FGF14: variants seen among roughly 807,000 people sequenced by gnomAD.
FGF14 encodes the protein fibroblast growth factor homologous factor 4.
FGF14 carries 5 observed loss-of-function variants against 25.5 expected under a neutral mutation model. That is an observed-to-expected ratio of 0.20 (90% CI 0.10 to 0.41). The LOEUF is 0.41. FGF14 is among the 10% of genes least tolerant of loss of function. FGF14 has a pLI of 1.00. For missense variants in FGF14, 222 were observed against 320.1 expected, an observed-to-expected ratio of 0.69 and a Z score of 2.34; for synonymous variants, 138 against 118.3, an observed-to-expected ratio of 1.17 and a Z score of -1.08.
At chr13:101,889,216 C>T (rs939125560) in intron 1 of FGF14, among the ~76,000 whole-genome samples, 5 of 151,820 alleles carry the variant, frequency 3.3e-5, no homozygotes, top group African/African-American at 9.7e-5. Context: ...CCCCAGCAGA[C>T]TAATAGAGGA....
intron 1 of FGF14, among the ~76,000 whole-genome samples, chr13:102,160,686 A>G (rs1467988098): frequency 6.6e-6 from 1 of 152,140 alleles, no homozygotes; most frequent in Non-Finnish European, 1.5e-5. Flanking sequence ...TTCACAAAAA[A>G]TGCTAGAATA....
chr13:102,374,646 AT>A (rs2057986657), intron 1 of FGF14, among the ~76,000 whole-genome samples: 1 of 1,164 alleles, frequency 8.6e-4, no homozygotes, highest in African/African-American at 3.5e-3. Context: ...TACATATTTT[AT>A]ATATATATAT....
chr13:101,956,263 T>C (rs996577552), intron 1 of FGF14, among the ~76,000 whole-genome samples: 1 of 152,202 alleles, frequency 6.6e-6, no homozygotes, highest in Middle Eastern at 3.2e-3. Context: ...TTTAGATAGA[T>C]AGATACAGAT....
chr13:101,857,718 T>C lies in FGF14; in HGVS notation c.408+11007A>G, dbSNP rs992762564. Among the ~76,000 whole-genome samples, 9 of 152,190 alleles carry C rather than the reference T, an allele frequency of 5.9e-5. 1 individual carries two copies. The highest frequency in any genetic ancestry group is 4.6e-4 in the Admixed American group (7 of 15,250). On this transcript the variant is annotated intron_variant, in intron 3 of 4. Coordinates refer to ENST00000376143, the MANE Select transcript of FGF14 (RefSeq NM_004115.4). ...ACTGCATCTGCGTCTATCTTTGTCA[T>C]CACTATTTTTCTCTAAGCTCTAGAA...
intron 1 of FGF14, among the ~76,000 whole-genome samples, chr13:102,312,716 ATTGTT>A (rs1276274638): frequency 7.2e-5 from 11 of 152,150 alleles, no homozygotes; most frequent in African/African-American, 9.7e-5. Flanking sequence ...AAGGAAGTGT[ATTGTT>A]TTGTTTTGTT....
At chr13:102,071,740 G>T (rs1166015288) in intron 1 of FGF14, among the ~76,000 whole-genome samples, 1 of 152,064 alleles carries the variant, frequency 6.6e-6, no homozygotes, top group South Asian at 2.1e-4. Context: ...CTCCATAGGA[G>T]ATACCTACTG....
chr13:102,219,759 G>T (rs1372103878), intron 1 of FGF14, among the ~76,000 whole-genome samples: 1 of 152,074 alleles, frequency 6.6e-6, no homozygotes, highest in Admixed American at 6.6e-5. Context: ...CAATTGAAAG[G>T]CAAAAGATTT....
intron 1 of FGF14, among the ~76,000 whole-genome samples, chr13:102,021,003 T>TACAAGGTATTTGATTAGTGGTTTTGG (rs2040619218): frequency 6.6e-6 from 1 of 151,254 alleles, no homozygotes; most frequent in South Asian, 2.1e-4. Context: ...GTGGTCAGAG[T>TACAAGGTATTTGATTAGTGGTTTTGG]ACAAGGTATT....
rs565835867 is a variant in FGF14, at chr13:101,736,181, A to AAT, written c.409-9373_409-9372dup. Reference sequence around the variant, plus strand: ...GTAACACAAATATCACATTAAGCCAAATATATATATGTATGTGTATTGTTA... The same window carrying AAT: ...GTAACACAAATATCACATTAAGCCAAATATATATATATGTATGTGTATTGTTA... On this transcript the variant is annotated intron_variant, in intron 3 of 4. Coordinates refer to ENST00000376143, the MANE Select transcript of FGF14 (RefSeq NM_004115.4). Among the ~76,000 whole-genome samples, 279 of 152,246 alleles carry AAT rather than the reference A, an allele frequency of 1.8e-3. 1 individual carries two copies. The highest frequency in any genetic ancestry group is 4.9e-3 in the African/African-American group (203 of 41,534).
intron 3 of FGF14, among the ~76,000 whole-genome samples, chr13:101,777,260 C>T (rs1284290678): frequency 6.6e-6 from 1 of 152,122 alleles, no homozygotes; most frequent in African/African-American, 2.4e-5. Context: ...TTTGTAGCCC[C>T]TATTCTACCT....
chr13:101,944,011 A>C (rs2035643411), intron 1 of FGF14, among the ~76,000 whole-genome samples: 1 of 117,540 alleles, frequency 8.5e-6, no homozygotes, highest in Non-Finnish European at 1.5e-5. Flanking sequence ...AAAAAAAAAA[A>C]AAACAAAAAA....
intron 1 of FGF14, among the ~76,000 whole-genome samples, chr13:101,928,710 C>T (rs1233616941): frequency 6.6e-6 from 1 of 152,110 alleles, no homozygotes; most frequent in Non-Finnish European, 1.5e-5. Context: ...GGCAGCAGCT[C>T]TCAGCCTGAT....
chr13:102,207,157 G>A (rs1057463972), intron 1 of FGF14, among the ~76,000 whole-genome samples: 2 of 151,914 alleles, frequency 1.3e-5, no homozygotes, highest in African/African-American at 4.8e-5. Flanking sequence ...GCACATGCCT[G>A]TAATACCAAC....
chr13:101,714,381 C>A lies in FGF14; in HGVS notation c.*8450G>T. 2.0e-6 allele frequency: 2 copies of A among 981,270 alleles called. No homozygotes were observed. The highest frequency in any genetic ancestry group is 2.6e-5 in the South Asian group (2 of 77,114). 60.8% of individuals were successfully genotyped at this position (981,270 alleles called of 1,614,324 possible). A position where few individuals can be genotyped will look rare whatever the true frequency, so the allele number is the denominator to read the frequency against. The stretch of plus-strand genomic sequence containing the variant: ...GTCAGTGTGTCAACGATATTCTATT[C>A]GAGATGGAAACCTTTAGTTATAAGG... On this transcript the variant is annotated 3_prime_UTR_variant, in exon 5 of 5. Transcript: ENST00000376143.
chr13:102,361,201 A>G (rs1185043125), intron 1 of FGF14, among the ~76,000 whole-genome samples: 2 of 152,176 alleles, frequency 1.3e-5, no homozygotes, highest in East Asian at 3.8e-4. Flanking sequence ...GGTTTCAAAG[A>G]AAAGCAAATG....
intron 3 of FGF14, among the ~76,000 whole-genome samples, chr13:101,847,838 A>C (rs2043542904): frequency 6.6e-6 from 1 of 152,092 alleles, no homozygotes; most frequent in Non-Finnish European, 1.5e-5. Context: ...GCCTATTAAA[A>C]ACATTAAGAC....
intron 3 of FGF14, among the ~76,000 whole-genome samples, chr13:101,850,275 A>ATT (rs2043688468): frequency 9.3e-6 from 1 of 108,070 alleles, no homozygotes; most frequent in Non-Finnish European, 1.8e-5. Flanking sequence ...CTCTACTAAA[A>ATT]ATCCAAAAAA....
intron 1 of FGF14, among the ~76,000 whole-genome samples, chr13:102,127,321 T>C (rs1407242176): frequency 6.6e-6 from 1 of 152,190 alleles, no homozygotes; most frequent in African/African-American, 2.4e-5. Flanking sequence ...TATCTTAACT[T>C]CACAATAAAT....
chr13:101,807,180 G>A (rs2041249568), intron 3 of FGF14, among the ~76,000 whole-genome samples: 1 of 152,188 alleles, frequency 6.6e-6, no homozygotes, highest in Middle Eastern at 3.4e-3. Context: ...AGCCACCAAT[G>A]CTGAGCATAA....
Sources: gnomAD v4.1 joint callset for allele counts (sites outside exome capture counted in the v4.1 genomes callset) on GRCh38, gnomAD v4.1.1 for gene constraint, MANE v1.5 for transcripts, NCBI Gene and HGNC (gene_info 2026-07-23, HGNC 2026-07-21) for gene names.